The following CHCHD6 variants were observed in gnomAD, a reference collection of about 807,000 sequenced individuals.
CHCHD6 encodes the protein MICOS complex subunit MIC25.
Under a neutral mutation model 32.3 loss-of-function variants are expected in CHCHD6, and 28 were observed. The ratio of observed to expected loss-of-function variants is 0.87; its 90% CI spans 0.64 to 1.19. The LOEUF (loss-of-function observed/expected upper bound fraction) is 1.19. Among genes scored for constraint, CHCHD6 ranks in the 50% most tolerant of loss-of-function variants. The pLI is 0.00. For missense variants in CHCHD6, 333 were observed against 307.0 expected (o/e 1.08, Z -0.63); for synonymous variants, 122 against 117.5 (o/e 1.04, Z -0.25).
At chr3:126,928,743 A>G (rs1184536704) in intron 6 of CHCHD6, among the ~76,000 whole-genome samples, 1 of 152,174 alleles carries the variant, frequency 6.6e-6, no homozygotes, top group Admixed American at 6.5e-5. Flanking sequence ...TTCCAACGTC[A>G]TCATTCCCAC....
At chr3:126,744,960 G>A (rs71327771) in intron 4 of CHCHD6, among the ~76,000 whole-genome samples, 2 of 152,314 alleles carry the variant, frequency 1.3e-5, no homozygotes, top group Admixed American at 1.3e-4. Flanking sequence ...TGGTGGCAGA[G>A]GGCTGCTGTG....
intron 5 of CHCHD6, among the ~76,000 whole-genome samples, chr3:126,872,420 A>G (rs866422357): frequency 3.3e-5 from 5 of 152,148 alleles, no homozygotes; most frequent in Admixed American, 1.3e-4. Flanking sequence ...GCAACTTTGT[A>G]TACCTCGTAA....
intron 5 of CHCHD6, among the ~76,000 whole-genome samples, chr3:126,873,742 T>G (rs1262788047): frequency 6.6e-6 from 1 of 152,198 alleles, no homozygotes; most frequent in Admixed American, 6.5e-5. Flanking sequence ...CATGGCTCCC[T>G]TTGTTTGAGT....
chr3:126,825,962 A>G (rs1165446205), intron 4 of CHCHD6, among the ~76,000 whole-genome samples: 1 of 152,192 alleles, frequency 6.6e-6, no homozygotes, highest in Non-Finnish European at 1.5e-5. Context: ...TTCTCTCTGA[A>G]GGACTCTTTC....
At chr3:126,778,926 AT>A (rs71150453) in intron 4 of CHCHD6, among the ~76,000 whole-genome samples, 389 of 133,148 alleles carry the variant, frequency 2.9e-3, no homozygotes, top group Middle Eastern at 3.9e-3. Context: ...GGCTCATTAA[AT>A]TTTTTTTTTT....
chr3:126,797,197 C>T (rs1214563507), intron 4 of CHCHD6, among the ~76,000 whole-genome samples: 3 of 152,140 alleles, frequency 2.0e-5, no homozygotes, highest in African/African-American at 7.2e-5. Context: ...AGAGGGTTGC[C>T]ACCTGGGCAT....
intron 1 of CHCHD6, among the ~76,000 whole-genome samples, chr3:126,709,499 C>A (rs1934653677): frequency 6.6e-6 from 1 of 152,094 alleles, no homozygotes; most frequent in Non-Finnish European, 1.5e-5. Context: ...GGATAGATAC[C>A]TGAGAGTGGA....
Position 126,724,350 on chromosome 3 carries a change from TG to T in CHCHD6, c.88-2726del, listed in dbSNP as rs558468042. ...AAAATAAAGCAAATCATGAACTTTT[TG>T]GTTTCCTAGTGTATATAAGAGTTGT... On this transcript the variant is annotated intron_variant, in intron 1 of 7. Transcript: ENST00000290913. Among the ~76,000 whole-genome samples the T allele has an allele frequency of 6.8e-4, 104 of 152,334 alleles. 1 individual carries two copies. The highest frequency in any genetic ancestry group is 2.4e-3 in the African/African-American group (98 of 41,572).
At chr3:126,733,871 G>A (rs1445228703) in intron 4 of CHCHD6, among the ~76,000 whole-genome samples, 1 of 152,194 alleles carries the variant, frequency 6.6e-6, no homozygotes, top group Admixed American at 6.5e-5. Flanking sequence ...GAAGTCTCAA[G>A]TGCCCCCAGG....
intron 6 of CHCHD6, among the ~76,000 whole-genome samples, chr3:126,917,002 G>A (rs2078181109): frequency 1.3e-5 from 2 of 152,230 alleles, no homozygotes; most frequent in Admixed American, 1.3e-4. Context: ...CCTGCCAAGT[G>A]GCCCACCATC....
intron 5 of CHCHD6, among the ~76,000 whole-genome samples, chr3:126,855,884 A>G (rs1473365775): frequency 6.6e-6 from 1 of 152,218 alleles, no homozygotes; most frequent in Non-Finnish European, 1.5e-5. Flanking sequence ...GTCCAGTGGC[A>G]GTGGGATGGA....
At chr3:126,726,456 A>T (rs1935539224) in intron 1 of CHCHD6, among the ~76,000 whole-genome samples, 1 of 152,252 alleles carries the variant, frequency 6.6e-6, no homozygotes, top group African/African-American at 2.4e-5. Context: ...CATGAGAATT[A>T]TCAAAACATG....
chr3:126,708,202 A>G (rs2107648597), intron 1 of CHCHD6, among the ~76,000 whole-genome samples: 1 of 152,330 alleles, frequency 6.6e-6, no homozygotes, highest in Middle Eastern at 3.4e-3. Flanking sequence ...TATTCAGAGC[A>G]TCACCCCAGA....
chr3:126,950,525 C>T (rs900428472), intron 6 of CHCHD6, among the ~76,000 whole-genome samples: 4 of 152,208 alleles, frequency 2.6e-5, no homozygotes, highest in African/African-American at 9.7e-5. Flanking sequence ...GCTCTCTGCT[C>T]ACTGCACACC....
chr3:126,914,682 T>G lies in CHCHD6; in HGVS notation c.498T>G (p.Asn166Lys), dbSNP rs1278659579. The change falls in exon 6 of 8, where the codon AAT (asparagine) becomes AAG (lysine). Residue 166 changes from asparagine (N) to lysine (K), a missense_variant and splice_region_variant. By Grantham distance (94) the Asn-to-Lys change is moderately conservative. Transcript: ENST00000290913. ...KEQLERIERK[N>K]AEMYKLSSEQ... ...CAATTCTGTTTTTCTCCTTGTAGAA[T>G]GCTGAGATGTATAAACTGTCTTCAG... 2.5e-6 allele frequency: 4 copies of G among 1,573,510 alleles called. No homozygotes were observed. The highest frequency in any genetic ancestry group is 3.5e-6 in the Non-Finnish European group (4 of 1,142,906).
chr3:126,875,256 A>G (rs1012706298), intron 5 of CHCHD6, among the ~76,000 whole-genome samples: 5 of 152,136 alleles, frequency 3.3e-5, no homozygotes, highest in Admixed American at 1.3e-4. Context: ...GGAAGTACCC[A>G]CCCTGCATGG....
At chr3:126,850,314 C>G (rs940872953) in intron 4 of CHCHD6, among the ~76,000 whole-genome samples, 3 of 152,262 alleles carry the variant, frequency 2.0e-5, no homozygotes, top group African/African-American at 7.2e-5. Flanking sequence ...TCATTTCATT[C>G]TTAACTGCTC....
At chr3:126,745,208 G>C (rs1300621257) in intron 4 of CHCHD6, among the ~76,000 whole-genome samples, 1 of 152,196 alleles carries the variant, frequency 6.6e-6, no homozygotes, top group African/African-American at 2.4e-5. Flanking sequence ...TTAAAGAAGA[G>C]GGAAGAGGGA....
intron 6 of CHCHD6, among the ~76,000 whole-genome samples, chr3:126,942,916 G>T (rs1039180568): frequency 2.0e-5 from 3 of 152,188 alleles, no homozygotes; most frequent in Non-Finnish European, 4.4e-5. Flanking sequence ...CTGTGTGTGG[G>T]GGGGAGTATT....
Sources: gnomAD v4.1 joint callset for allele counts (sites outside exome capture counted in the v4.1 genomes callset) on GRCh38, gnomAD v4.1.1 for gene constraint, MANE v1.5 for transcripts, NCBI Gene and HGNC (gene_info 2026-07-23, HGNC 2026-07-21) for gene names.